SH3TC1: variants seen among roughly 807,000 people sequenced by gnomAD.
SH3TC1 encodes SH3 domain and tetratricopeptide repeats 1.
In SH3TC1, 135 loss-of-function variants were observed where a neutral mutation model predicts 117.3. The observed-to-expected ratio is 1.15, with a 90% CI of 1.00 to 1.33. The LOEUF (loss-of-function observed/expected upper bound fraction) is 1.33. Ranked by LOEUF, SH3TC1 falls within the 40% of genes most tolerant of loss-of-function variation. The pLI is 0.00. For synonymous variants in SH3TC1, 898 were observed against 816.9 expected, an observed-to-expected ratio of 1.10 and a Z score of -1.69; for missense variants, 2,092 against 1,794.3, an observed-to-expected ratio of 1.17 and a Z score of -3.00.
chr4:8,213,499 G>T (rs10805203), intron 4 of SH3TC1, among the ~76,000 whole-genome samples: 44,433 of 152,088 alleles, frequency 0.29, 6,627 homozygotes, highest in East Asian at 0.52. Context: ...TGCTCAACAC[G>T]TGGGGCTGTC....
intron 13 of SH3TC1, chr4:8,233,083 A>C: frequency 7.8e-7 from 1 of 1,284,368 alleles, no homozygotes; most frequent in Non-Finnish European, 9.9e-7. Flanking sequence ...TAGAGAAGAC[A>C]CAGGCCATGT....
chr4:8,192,411 G>A lies in SH3TC1; in HGVS notation c.-57+10201G>A, dbSNP rs183025624. 2.2e-4 allele frequency among the ~76,000 whole-genome samples: 33 copies of A among 151,650 alleles called. No individual in the cohort carries two copies. Among genetic ancestry groups the A allele is most frequent in the Admixed American group, 2.1e-3 (32 of 15,262 alleles). The stretch of plus-strand genomic sequence containing the variant: ...CAGTCTCCCCATTTGTAAGCCTGAA[G>A]GTTGTAAATTACAATCTTCTTATCC... On this transcript the variant is annotated intron_variant, in intron 1 of 16. Transcript: ENST00000508641. The surrounding 1 kb of genome is among the most constrained non-coding windows in gnomAD (Gnocchi z 4.1).
intron 15 of SH3TC1, 192 bp downstream of exon 15, chr4:8,235,747 A>G: frequency 1.4e-6 from 1 of 708,952 alleles, no homozygotes; most frequent in Non-Finnish European, 2.1e-6. Flanking sequence ...TGGGGCCTGG[A>G]CACAGCAATG....
chr4:8,235,739 G>A (rs1054581818), intron 15 of SH3TC1, 184 bp downstream of exon 15: 5 of 787,030 alleles, frequency 6.4e-6, no homozygotes, highest in African/African-American at 1.8e-5. Flanking sequence ...CAAACACTTG[G>A]GGCCTGGACA....
In SH3TC1 at chr4:8,233,423, GAAGA is replaced by G. The variant is rs774177032; in HGVS notation, c.3197_3200del (p.Lys1066ArgfsTer77). The stretch of plus-strand genomic sequence containing the variant: ...GTCTGGGGATTTTCATTGACCTCCA[GAAGA>G]AAGAGAAGGAGGCGCATGCCTGGCT... On this transcript the variant is annotated frameshift_variant, in exon 14 of 18. Transcript: ENST00000245105. LOFTEE classifies it high-confidence loss of function. 1 of 1,613,982 alleles carries G rather than the reference GAAGA, an allele frequency of 6.2e-7. No individual in the cohort carries two copies. Among genetic ancestry groups the G allele is most frequent in the African/African-American group, 1.3e-5 (1 of 75,056 alleles).
In SH3TC1 at chr4:8,217,411, C is replaced by T. The variant is rs140079868; in HGVS notation, c.839+244C>T. 2.6e-3 allele frequency among the ~76,000 whole-genome samples: 400 copies of T among 152,340 alleles called. 2 individuals are homozygous for T. Among genetic ancestry groups the T allele is most frequent in the African/African-American group, 9.1e-3 (380 of 41,572 alleles). ...CACTTGGCAGGGCTATCCTGGGGTT[C>T]GCTGGCACAGGAGATGTGGCATGAG... On this transcript the variant is annotated intron_variant, in intron 7 of 17. Coordinates refer to ENST00000245105, the MANE Select transcript of SH3TC1 (RefSeq NM_018986.5).
In SH3TC1 at chr4:8,236,295, G is replaced by A. The variant is rs1312824233; in HGVS notation, c.3423G>A (p.Leu1141=). The A allele has an allele frequency of 7.1e-6, 11 of 1,555,290 alleles. No individual in the cohort carries two copies. The highest frequency in any genetic ancestry group is 9.6e-6 in the Non-Finnish European group (11 of 1,150,292). ...TGTGGCAGGACCGGGCCCTGCCCCT[G>A]GCAGTGACTACGGGCAACCGCAAGG... The part of the protein sequence containing the change: ...VSFYRDRALP[L]AVTTGNRKAE... The change falls in exon 16 of 18, where the codon CTG becomes CTA. Residue 1141 remains leucine, a synonymous_variant. Coordinates refer to ENST00000245105, the MANE Select transcript of SH3TC1 (RefSeq NM_018986.5).
chr4:8,216,901 G>A, intron 6 of SH3TC1, 56 bp from the exon 7 acceptor site: 2 of 1,574,936 alleles, frequency 1.3e-6, no homozygotes, highest in Non-Finnish European at 1.7e-6. Context: ...TGGGGGGCAG[G>A]GCCACAGCTG....
intron 6 of SH3TC1, 99 bp downstream of exon 6, chr4:8,216,356 G>A: frequency 1.3e-6 from 2 of 1,490,482 alleles, no homozygotes; most frequent in Non-Finnish European, 1.8e-6. Context: ...GCATGTCTGG[G>A]GCTGTGGGCT....
At chr4:8,224,234 T>C (rs1457425649) in intron 10 of SH3TC1, among the ~76,000 whole-genome samples, 4 of 152,258 alleles carry the variant, frequency 2.6e-5, no homozygotes, top group Non-Finnish European at 4.4e-5. Flanking sequence ...CACACTTTTT[T>C]CCTGCTTGCT....
chr4:8,233,256 C>T (rs1056918706), intron 13 of SH3TC1, 107 bp from the exon 14 acceptor site: 25 of 1,480,082 alleles, frequency 1.7e-5, no homozygotes, highest in Non-Finnish European at 2.0e-5. Flanking sequence ...ACAAGAGGGC[C>T]GTTCCCAGTC....
chr4:8,188,066 G>A lies in SH3TC1; in HGVS notation c.-57+5856G>A, dbSNP rs868173026. 5.3e-5 allele frequency among the ~76,000 whole-genome samples: 8 copies of A among 152,294 alleles called. No individual in the cohort carries two copies. In the South Asian group the frequency reaches 1.0e-3, roughly 20 times the overall value. On this transcript the variant is annotated intron_variant, in intron 1 of 16. Coordinates refer to the SH3TC1 transcript ENST00000508641. ...TTCCTGATGCGACAAGACACTCCAC[G>A]CCCACTGTGTTTATTTCCTGCCAGG...
chr4:8,183,917 A>T lies in SH3TC1; in HGVS notation c.-57+1707A>T, dbSNP rs997186126. ...TGGGCATTCACCACCATGCCCAACT[A>T]ATTTTTGTATTTTTAGTAGATACGG... On this transcript the variant is annotated intron_variant, in intron 1 of 16. Coordinates refer to the SH3TC1 transcript ENST00000508641. The surrounding 1 kb of genome is among the most constrained non-coding windows in gnomAD (Gnocchi z 5.4). 6.6e-6 allele frequency among the ~76,000 whole-genome samples: 1 copy of T among 151,940 alleles called. No individual in the cohort carries two copies. Among genetic ancestry groups the T allele is most frequent in the Admixed American group, 6.6e-5 (1 of 15,260 alleles).
chr4:8,240,676 G>A, intron 17 of SH3TC1, 22 bp from the exon 18 acceptor site: 1 of 1,613,462 alleles, frequency 6.2e-7, no homozygotes, highest in Non-Finnish European at 8.5e-7. Context: ...CCCTTTTGCT[G>A]AGCATGGCCT....
intron 4 of SH3TC1, 46 bp from the exon 5 acceptor site, chr4:8,214,420 ACAGATGCCC>A: frequency 6.5e-7 from 1 of 1,534,070 alleles, no homozygotes; most frequent in Non-Finnish European, 9.0e-7. Flanking sequence ...TGTCCTCCTG[ACAGATGCCC>A]CAGAGCTCCT....
intron 6 of SH3TC1, 87 bp downstream of exon 6, chr4:8,216,344 G>A: frequency 6.6e-7 from 1 of 1,523,954 alleles, no homozygotes; most frequent in Non-Finnish European, 8.8e-7. Context: ...CCGCTGTGCT[G>A]AGCATGTCTG....
chr4:8,217,598 T>A (rs1167840815), intron 7 of SH3TC1, among the ~76,000 whole-genome samples: 2 of 152,208 alleles, frequency 1.3e-5, no homozygotes, highest in Non-Finnish European at 2.9e-5. Context: ...TTAACTTGGG[T>A]TGGAGCTTCC....
intron 9 of SH3TC1, among the ~76,000 whole-genome samples, chr4:8,222,584 G>C (rs1720036195): frequency 6.6e-6 from 1 of 151,830 alleles, no homozygotes; most frequent in Admixed American, 6.6e-5. Context: ...ATGTTGGCCA[G>C]GCTGGTCTTG....
intron 1 of SH3TC1, among the ~76,000 whole-genome samples, chr4:8,194,103 C>T (rs980720040): frequency 6.6e-6 from 1 of 152,202 alleles, no homozygotes; most frequent in Admixed American, 6.5e-5. Context: ...GGAGCCTGGT[C>T]AGCACTCAGG....
Sources: gnomAD v4.1 joint callset for allele counts (sites outside exome capture counted in the v4.1 genomes callset) on GRCh38, gnomAD v4.1.1 for gene constraint, Gnocchi (gnomAD v3.1) non-coding constraint, MANE v1.5 for transcripts, NCBI Gene and HGNC (gene_info 2026-07-23, HGNC 2026-07-21) for gene names.